Variants in ZFAND3 observed in about 807,000 individuals in gnomAD.
ZFAND3 encodes zinc finger AN1-type containing 3, also known as AN1-type zinc finger protein 3.
ZFAND3 carries 10 observed loss-of-function variants against 29.6 expected under a neutral mutation model. The observed-to-expected ratio is 0.34, with a 90% CI of 0.21 to 0.57. The LOEUF is 0.57. Ranked by LOEUF, ZFAND3 falls within the 20% of genes least tolerant of loss-of-function variation. The probability of loss-of-function intolerance (pLI) is 0.86; values close to 1 mark genes in which losing one functional copy is unlikely to be tolerated. For missense variants in ZFAND3, 230 were observed against 304.5 expected, an observed-to-expected ratio of 0.76 and a Z score of 1.82; for synonymous variants, 128 against 112.6, an observed-to-expected ratio of 1.14 and a Z score of -0.87.
At chr6:38,079,060 T>C (rs1049441913) in intron 3 of ZFAND3, among the ~76,000 whole-genome samples, 1 of 152,192 alleles carries the variant, frequency 6.6e-6, no homozygotes, top group African/African-American at 2.4e-5. Flanking sequence ...CCTGCATTGA[T>C]TTTAACAGAG....
chr6:38,061,847 C>T (rs1764247476), intron 3 of ZFAND3, 72 bp downstream of exon 3: 1 of 1,520,790 alleles, frequency 6.6e-7, no homozygotes, highest in African/African-American at 1.4e-5. Flanking sequence ...TTGGTAATGC[C>T]TGACCCCAGA....
At chr6:38,098,293 C>T (rs558300132) in intron 4 of ZFAND3, among the ~76,000 whole-genome samples, 3 of 152,082 alleles carry the variant, frequency 2.0e-5, no homozygotes, top group African/African-American at 7.2e-5. Flanking sequence ...ACTACAGGTG[C>T]ATGCCACCGT....
intron 2 of ZFAND3, among the ~76,000 whole-genome samples, chr6:37,982,531 A>G (rs1762597345): frequency 6.6e-6 from 1 of 152,158 alleles, no homozygotes; most frequent in Non-Finnish European, 1.5e-5. Flanking sequence ...AAAAACTCCT[A>G]TTGCCTAGTG....
chr6:38,124,050 G>T (rs1247110001), intron 5 of ZFAND3, among the ~76,000 whole-genome samples: 1 of 152,150 alleles, frequency 6.6e-6, no homozygotes, highest in African/African-American at 2.4e-5. Flanking sequence ...AGCGCCAGTT[G>T]TTTTGACAGG....
chr6:37,985,182 G>A (rs1762644934), intron 2 of ZFAND3, among the ~76,000 whole-genome samples: 1 of 152,172 alleles, frequency 6.6e-6, no homozygotes, highest in Admixed American at 6.5e-5. Context: ...TTTCAGCTGG[G>A]TGTAGTGGCA....
chr6:38,154,376 G>GGGT lies in ZFAND3; in HGVS notation c.*1989_*1990insTGG, dbSNP rs1311914398. 4 of 777,482 alleles carry GGGT rather than the reference G, an allele frequency of 5.1e-6. No individual in the cohort carries two copies. The African/African-American group carries it at 5.7e-5, about 11-fold the overall frequency. 48.2% of individuals were successfully genotyped at this position (777,482 alleles called of 1,614,324 possible). On this transcript the variant is annotated 3_prime_UTR_variant, in exon 6 of 6. Transcript: ENST00000287218. The stretch of plus-strand genomic sequence containing the variant: ...TGTTCGCTTCCTGACTTAGAGCTGG[G>GGGT]GGGGGTGGGGGGTGGGGCTTGTTCC...
chr6:38,090,465 A>AT (rs1469389627), intron 4 of ZFAND3, among the ~76,000 whole-genome samples: 3 of 152,216 alleles, frequency 2.0e-5, no homozygotes, highest in African/African-American at 7.2e-5. Flanking sequence ...GTCCTGAAGG[A>AT]GTTCATTTGA....
intron 2 of ZFAND3, among the ~76,000 whole-genome samples, chr6:38,012,210 A>G (rs955770758): frequency 2.6e-4 from 40 of 152,234 alleles, no homozygotes; most frequent in African/African-American, 7.9e-4. Flanking sequence ...AGAGGGAGAC[A>G]TTTGGTAAAG....
chr6:38,017,082 A>G (rs963649230), intron 2 of ZFAND3, among the ~76,000 whole-genome samples: 3 of 152,206 alleles, frequency 2.0e-5, no homozygotes, highest in African/African-American at 7.2e-5. Flanking sequence ...TTTCATTTTA[A>G]AAGTTCTCCC....
At chr6:37,874,904 A>G (rs1764764893) in intron 1 of ZFAND3, among the ~76,000 whole-genome samples, 1 of 152,158 alleles carries the variant, frequency 6.6e-6, no homozygotes, top group Admixed American at 6.5e-5. Flanking sequence ...TGTGGGGCTG[A>G]AAAATATGGC....
chr6:37,844,205 T>C (rs1413661995), intron 1 of ZFAND3, among the ~76,000 whole-genome samples: 1 of 152,150 alleles, frequency 6.6e-6, no homozygotes, highest in Non-Finnish European at 1.5e-5. Context: ...ATTATAGGCG[T>C]GAGCCACTGC....
At chr6:38,124,541 G>A (rs1235746299) in intron 5 of ZFAND3, among the ~76,000 whole-genome samples, 4 of 152,182 alleles carry the variant, frequency 2.6e-5, no homozygotes, top group Admixed American at 6.5e-5. Flanking sequence ...CCGCACTGCT[G>A]GGGGATCTGG....
At chr6:38,140,636 T>G (rs1190509337) in intron 5 of ZFAND3, among the ~76,000 whole-genome samples, 1 of 152,120 alleles carries the variant, frequency 6.6e-6, no homozygotes, top group Non-Finnish European at 1.5e-5. Context: ...CTTACAGACA[T>G]GAGCCACCAT....
At chr6:38,053,135 G>A (rs983403521) in intron 2 of ZFAND3, among the ~76,000 whole-genome samples, 1 of 152,088 alleles carries the variant, frequency 6.6e-6, no homozygotes, top group African/African-American at 2.4e-5. Context: ...GCTAAAGCAA[G>A]GAGAGGGAGA....
chr6:37,930,146 C>A, intron 2 of ZFAND3, 147 bp downstream of exon 2: 1 of 765,100 alleles, frequency 1.3e-6, no homozygotes, highest in Non-Finnish European at 2.0e-6. Context: ...GCAGTTTCAC[C>A]TTACCAAGGT....
At chr6:38,067,713 G>A (rs1035997476) in intron 3 of ZFAND3, among the ~76,000 whole-genome samples, 1 of 152,180 alleles carries the variant, frequency 6.6e-6, no homozygotes, top group East Asian at 1.9e-4. Context: ...TAGTTAGAAC[G>A]CTGGAATCAG....
intron 2 of ZFAND3, among the ~76,000 whole-genome samples, chr6:38,041,653 T>C (rs868065479): frequency 1.1e-3 from 25 of 22,532 alleles, no homozygotes; most frequent in African/African-American, 2.8e-3. Context: ...CTTCTTCTTC[T>C]TCTTCTTCTT....
intron 1 of ZFAND3, among the ~76,000 whole-genome samples, chr6:37,919,940 C>T (rs1194425133): frequency 6.6e-6 from 1 of 152,004 alleles, no homozygotes; most frequent in African/African-American, 2.4e-5. Flanking sequence ...GGAGAGATGC[C>T]TCTGGGACTG....
At chr6:37,826,227 G>A (rs1197266318) in intron 1 of ZFAND3, among the ~76,000 whole-genome samples, 1 of 148,790 alleles carries the variant, frequency 6.7e-6, no homozygotes, top group Non-Finnish European at 1.5e-5. Context: ...TCCAGATTCT[G>A]GCTTTTTGGA....
Sources: gnomAD v4.1 joint callset for allele counts (sites outside exome capture counted in the v4.1 genomes callset) on GRCh38, gnomAD v4.1.1 for gene constraint, MANE v1.5 for transcripts, NCBI Gene and HGNC (gene_info 2026-07-23, HGNC 2026-07-21) for gene names.